The following MACROD2 variants were observed in gnomAD, a reference collection of about 807,000 sequenced individuals.
MACROD2 encodes the protein ADP-ribose glycohydrolase MACROD2.
MACROD2 carries 36 observed loss-of-function variants against 70.4 expected under a neutral mutation model. That is an observed-to-expected ratio of 0.51 (90% CI 0.39 to 0.68). The LOEUF is 0.68. MACROD2 is among the 30% of genes least tolerant of loss of function. The pLI, the probability that MACROD2 is intolerant of heterozygous loss-of-function variation, is 0.00. For synonymous variants in MACROD2, 172 were observed against 178.8 expected, an observed-to-expected ratio of 0.96 and a Z score of 0.30; for missense variants, 496 against 538.4, an observed-to-expected ratio of 0.92 and a Z score of 0.78.
intron 8 of MACROD2, among the ~76,000 whole-genome samples, chr20:15,585,281 T>C (rs983018537): frequency 2.7e-5 from 4 of 150,778 alleles, no homozygotes; most frequent in Non-Finnish European, 5.9e-5. Context: ...CACTGCAACC[T>C]CCGCCTCCTG....
chr20:14,243,492 T>C (rs1230561201), intron 3 of MACROD2, among the ~76,000 whole-genome samples: 1 of 152,182 alleles, frequency 6.6e-6, no homozygotes, highest in Non-Finnish European at 1.5e-5. Context: ...TATATATAAT[T>C]ATTTCATTAT....
intron 8 of MACROD2, among the ~76,000 whole-genome samples, chr20:15,606,231 CA>C (rs1238534211): frequency 1.3e-5 from 2 of 152,126 alleles, no homozygotes; most frequent in Non-Finnish European, 2.9e-5. Flanking sequence ...GCCTTTTTAG[CA>C]GAACATATAA....
rs921113552 is a variant in MACROD2 at position 15,000,659 on chromosome 20, A to G, written c.419-229281A>G. Among the ~76,000 whole-genome samples, 18 of 129,490 alleles carry G rather than the reference A, an allele frequency of 1.4e-4. 1 individual carries two copies. Among genetic ancestry groups the G allele is most frequent in the Non-Finnish European group, 2.5e-4 (16 of 63,960 alleles). 85.0% of individuals were successfully genotyped at this position (129,490 alleles called of 152,430 possible). ...AAAAAAAAAAAAAAAAAAAAAAAAA[A>G]AAGAGGTAGAAACATGGAAATGTTC... On this transcript the variant is annotated intron_variant, in intron 5 of 17. Coordinates refer to ENST00000684519, the MANE Select transcript of MACROD2 (RefSeq NM_001351661.2).
chr20:14,014,990 G>A (rs1180073825), intron 2 of MACROD2, among the ~76,000 whole-genome samples: 1 of 135,804 alleles, frequency 7.4e-6, no homozygotes, highest in African/African-American at 2.8e-5. Context: ...TTTTTTTGTA[G>A]AGGTGGGGTT....
At chr20:15,078,639 A>G (rs1282491158) in intron 5 of MACROD2, among the ~76,000 whole-genome samples, 1 of 151,786 alleles carries the variant, frequency 6.6e-6, no homozygotes, top group Non-Finnish European at 1.5e-5. Context: ...ATCAGGAACT[A>G]TTGGGAACAA....
intron 4 of MACROD2, among the ~76,000 whole-genome samples, chr20:14,646,316 T>G (rs976141638): frequency 6.6e-6 from 1 of 152,108 alleles, no homozygotes; most frequent in South Asian, 2.1e-4. Context: ...AAAGCACTTA[T>G]GTTCCATGGT....
At chr20:14,980,574 C>G (rs925195178) in intron 5 of MACROD2, among the ~76,000 whole-genome samples, 20 of 152,144 alleles carry the variant, frequency 1.3e-4, no homozygotes, top group African/African-American at 4.6e-4. Context: ...AATGAAGAAA[C>G]AGAAACAATG....
intron 7 of MACROD2, among the ~76,000 whole-genome samples, chr20:15,485,938 G>T (rs2047157486): frequency 6.6e-6 from 1 of 152,112 alleles, no homozygotes; most frequent in Non-Finnish European, 1.5e-5. Context: ...GATTACTCAG[G>T]TCATTCTAAA....
intron 8 of MACROD2, among the ~76,000 whole-genome samples, chr20:15,651,822 A>G (rs1427669057): frequency 6.6e-6 from 1 of 152,142 alleles, no homozygotes; most frequent in East Asian, 1.9e-4. Context: ...CTGTTGAAGC[A>G]CTAATGAAAA....
chr20:15,715,119 C>T (rs2050689090), intron 8 of MACROD2, among the ~76,000 whole-genome samples: 1 of 151,994 alleles, frequency 6.6e-6, no homozygotes, highest in African/African-American at 2.4e-5. Flanking sequence ...GTCTTTAGCT[C>T]CTTTCTGTTG....
intron 8 of MACROD2, among the ~76,000 whole-genome samples, chr20:15,588,291 A>G (rs557077026): frequency 4.6e-5 from 7 of 152,286 alleles, no homozygotes; most frequent in Admixed American, 6.5e-5. Context: ...TGCACACAGA[A>G]TGGGGATCCT....
chr20:16,036,614 G>A (rs1312192985), intron 15 of MACROD2, among the ~76,000 whole-genome samples: 2 of 151,906 alleles, frequency 1.3e-5, no homozygotes, highest in Non-Finnish European at 1.5e-5. Flanking sequence ...GTAATAAATA[G>A]GCCACAGAGG....
At chr20:15,856,287 C>T (rs926003350) in intron 8 of MACROD2, among the ~76,000 whole-genome samples, 11 of 152,098 alleles carry the variant, frequency 7.2e-5, no homozygotes, top group Non-Finnish European at 7.4e-5. Flanking sequence ...TACTGTGAAA[C>T]GATTAAGCAC....
chr20:14,235,897 A>C (rs2081865051), intron 3 of MACROD2, among the ~76,000 whole-genome samples: 1 of 126,724 alleles, frequency 7.9e-6, no homozygotes, highest in African/African-American at 3.0e-5. Flanking sequence ...TGGAAAGGCA[A>C]ATAATACGTG....
At chr20:15,657,559 T>C (rs1014422751) in intron 8 of MACROD2, among the ~76,000 whole-genome samples, 14 of 152,214 alleles carry the variant, frequency 9.2e-5, no homozygotes, top group African/African-American at 3.4e-4. Flanking sequence ...GAAATAAATA[T>C]GCTTAAACTC....
At chr20:14,555,745 G>A (rs990252107) in intron 4 of MACROD2, among the ~76,000 whole-genome samples, 1 of 152,034 alleles carries the variant, frequency 6.6e-6, no homozygotes, top group African/African-American at 2.4e-5. Flanking sequence ...AGGTACATGG[G>A]GGACGTTGTG....
chr20:14,980,752 C>T (rs1026475864), intron 5 of MACROD2, among the ~76,000 whole-genome samples: 1 of 152,148 alleles, frequency 6.6e-6, no homozygotes, highest in African/African-American at 2.4e-5. Context: ...TAGTATAAAG[C>T]ATCAAGTTTA....
chr20:15,316,036 A>C (rs181187861), intron 6 of MACROD2, among the ~76,000 whole-genome samples: 48 of 152,100 alleles, frequency 3.2e-4, no homozygotes, highest in African/African-American at 1.1e-3. Context: ...TCCCACAGTA[A>C]CCACTGAGAA....
chr20:14,839,541 GT>G (rs2073065364), intron 5 of MACROD2, among the ~76,000 whole-genome samples: 1 of 152,006 alleles, frequency 6.6e-6, no homozygotes, highest in South Asian at 2.1e-4. Context: ...ATAAAATAAT[GT>G]TTATCATGGC....
Sources: gnomAD v4.1 joint callset for allele counts (sites outside exome capture counted in the v4.1 genomes callset) on GRCh38, gnomAD v4.1.1 for gene constraint, MANE v1.5 for transcripts, NCBI Gene and HGNC (gene_info 2026-07-23, HGNC 2026-07-21) for gene names.